Variants in CDK5RAP2 observed in about 807,000 individuals in gnomAD.
CDK5RAP2 encodes CDK5 regulatory subunit-associated protein 2.
In CDK5RAP2, 147 loss-of-function variants were observed where a neutral mutation model predicts 232.9. That is an observed-to-expected ratio of 0.63 (90% CI 0.55 to 0.72). The LOEUF (loss-of-function observed/expected upper bound fraction) is 0.72, where lower values mean the gene tolerates loss of function less well. Among genes scored for constraint, CDK5RAP2 ranks in the 30% least tolerant of loss-of-function variants. CDK5RAP2 has a pLI of 0.00. For missense variants in CDK5RAP2, 2,195 were observed against 2,231.5 expected (o/e 0.98, Z 0.33); for synonymous variants, 833 against 833.7 (o/e 1.00, Z 0.01).
chr9:120,579,809 C>A, intron 1 of CDK5RAP2, 111 bp downstream of exon 1: 1 of 849,680 alleles, frequency 1.2e-6, no homozygotes, highest in Admixed American at 2.0e-5. Context: ...ACCCCACACA[C>A]TGCCCCTGGC....
Position 120,426,854 on chromosome 9 carries a change from C to G in CDK5RAP2, c.3956-4113G>C, listed in dbSNP as rs1588302663. Among the ~76,000 whole-genome samples the G allele has an allele frequency of 3.9e-5, 6 of 152,320 alleles. No homozygotes were observed. The South Asian group carries it at 1.2e-3, about 32-fold the overall frequency. On this transcript the variant is annotated intron_variant, in intron 25 of 37. Coordinates refer to ENST00000349780, the MANE Select transcript of CDK5RAP2 (RefSeq NM_018249.6). The stretch of plus-strand genomic sequence containing the variant: ...GTTAGAATTTGGTTTCTTATTGCTA[C>G]AGAGTCTGTTCAGTCAGCCTAAGGA...
intron 36 of CDK5RAP2, 78 bp downstream of exon 36, chr9:120,394,434 G>A: frequency 6.2e-7 from 1 of 1,609,002 alleles, no homozygotes; most frequent in South Asian, 1.1e-5. Flanking sequence ...GCTCCAAAGT[G>A]GGTAATCCAG....
At chr9:120,516,846 A>G (rs1292437466) in intron 12 of CDK5RAP2, among the ~76,000 whole-genome samples, 1 of 152,226 alleles carries the variant, frequency 6.6e-6, no homozygotes, top group East Asian at 1.9e-4. Flanking sequence ...ATGTATGTAC[A>G]TATATACATA....
chr9:120,453,307 C>T, intron 21 of CDK5RAP2, 149 bp downstream of exon 21: 1 of 683,302 alleles, frequency 1.5e-6, no homozygotes, highest in Non-Finnish European at 2.4e-6. Flanking sequence ...ACATGCAGCT[C>T]TGGGTGGAGG....
chr9:120,516,791 C>T (rs751888754), intron 12 of CDK5RAP2, among the ~76,000 whole-genome samples: 3 of 152,082 alleles, frequency 2.0e-5, no homozygotes, highest in African/African-American at 4.8e-5. Context: ...AGCATGCCAC[C>T]GCACTCCAGT....
In CDK5RAP2 at chr9:120,407,151, G is replaced by A; in HGVS notation, c.4824C>T (p.Ser1608=). The change falls in exon 32 of 38, where the codon AGC becomes AGT. Residue 1608 remains serine, a synonymous_variant. Coordinates refer to ENST00000349780, the MANE Select transcript of CDK5RAP2 (RefSeq NM_018249.6). The part of the protein sequence containing the change: ...IQALRLQLER[S]IETSSTLQSR... ...TCTGCAGAGTGCTGCTGGTTTCGAT[G>A]CTCCTTTCTAGTTGCAAGCGCAGAG... The A allele has an allele frequency of 6.2e-7, 1 of 1,613,994 alleles. No homozygotes were observed. Among genetic ancestry groups the A allele is most frequent in the South Asian group, 1.1e-5 (1 of 91,076 alleles).
At position 120,488,968 on chromosome 9, in the gene CDK5RAP2, T is replaced by A. The variant is rs554756473; in HGVS notation, c.1483-1531A>T. 5.8e-4 allele frequency among the ~76,000 whole-genome samples: 88 copies of A among 152,338 alleles called. 2 individuals are homozygous for A. In the South Asian group the frequency reaches 0.013, roughly 23 times the overall value. On this transcript the variant is annotated intron_variant, in intron 13 of 37. Transcript: ENST00000349780. Reference sequence around the variant, plus strand: ...ACCCATGTCTCTCTCTTTCGGTTATTCTCTCCCATTTGGTGATTCCTTTAT... The same window carrying A: ...ACCCATGTCTCTCTCTTTCGGTTATACTCTCCCATTTGGTGATTCCTTTAT...
intron 20 of CDK5RAP2, among the ~76,000 whole-genome samples, chr9:120,455,121 A>C (rs2036687557): frequency 6.6e-6 from 1 of 152,160 alleles, no homozygotes. Flanking sequence ...GAGGACATGG[A>C]CTGGTTTTAG....
chr9:120,513,088 A>G (rs2040168430), intron 12 of CDK5RAP2, among the ~76,000 whole-genome samples: 1 of 152,186 alleles, frequency 6.6e-6, no homozygotes, highest in Admixed American at 6.5e-5. Context: ...AACATCCTAG[A>G]GTCCTCGTGG....
Position 120,439,883 on chromosome 9 carries a change from T to C in CDK5RAP2, c.3238A>G (p.Thr1080Ala), listed in dbSNP as rs756257107. ...EDVLSPTSVA[T>A]YLSSKSQPSA... ...GGCTGACTCTTGGAACTCAGGTAAGTAGCTACTGAAGTTGGGCTCAGAACA... is the reference window on the plus strand; with the variant it reads ...GGCTGACTCTTGGAACTCAGGTAAGCAGCTACTGAAGTTGGGCTCAGAACA... Residue 1080 changes from threonine to alanine, a missense_variant, in exon 24 of 38, where the codon ACT (threonine) becomes GCT (alanine). By Grantham distance (58) the Thr-to-Ala change is moderately conservative (BLOSUM62 0). Transcript: ENST00000349780. 1 of 1,614,192 alleles carries C rather than the reference T, an allele frequency of 6.2e-7. No homozygotes were observed. Among genetic ancestry groups the C allele is most frequent in the South Asian group, 1.1e-5 (1 of 91,082 alleles).
intron 14 of CDK5RAP2, 97 bp from the exon 15 acceptor site, chr9:120,477,547 A>T: frequency 1.0e-6 from 1 of 982,864 alleles, no homozygotes; most frequent in South Asian, 1.3e-5. Context: ...CAGTTTTTAA[A>T]ATCAAACGAA....
intron 12 of CDK5RAP2, among the ~76,000 whole-genome samples, chr9:120,496,938 G>T (rs1346403875): frequency 7.8e-5 from 11 of 140,854 alleles, no homozygotes; most frequent in South Asian, 4.3e-4. Flanking sequence ...GAACGGGCCA[G>T]GATGACAATG....
At position 120,487,288 on chromosome 9, in the gene CDK5RAP2, G is replaced by C. The variant is rs1422397739; in HGVS notation, c.1626+6C>G. On this transcript the variant is annotated splice_donor_region_variant and intron_variant, in intron 14 of 37. Coordinates refer to ENST00000349780, the MANE Select transcript of CDK5RAP2 (RefSeq NM_018249.6). ...CATGTGAATGTCCAATTTCAGTCAA[G>C]CTTACCTTAGAGAAGATGGTTTTGC... The C allele has an allele frequency of 6.2e-7, 1 of 1,613,838 alleles. No individual in the cohort carries two copies. Among genetic ancestry groups the C allele is most frequent in the Non-Finnish European group, 8.5e-7 (1 of 1,179,964 alleles).
intron 8 of CDK5RAP2, among the ~76,000 whole-genome samples, chr9:120,529,657 CA>C (rs2041060588): frequency 6.6e-6 from 1 of 152,188 alleles, no homozygotes; most frequent in African/African-American, 2.4e-5. Flanking sequence ...GAAAACAATG[CA>C]CCACAACTGT....
intron 13 of CDK5RAP2, among the ~76,000 whole-genome samples, chr9:120,487,690 G>A (rs10984929): frequency 2.4e-4 from 37 of 152,228 alleles, no homozygotes; most frequent in Non-Finnish European, 4.0e-4. Context: ...GCTACAAACC[G>A]TCCTCGCTCA....
chr9:120,547,379 GGATC>G (rs1257814885), intron 4 of CDK5RAP2, among the ~76,000 whole-genome samples: 5 of 152,010 alleles, frequency 3.3e-5, no homozygotes, highest in African/African-American at 1.2e-4. Flanking sequence ...TGAGGTGGGC[GGATC>G]ACTTGAGGTC....
rs752773003 is a variant in CDK5RAP2, at chr9:120,527,885, G to C, written c.920C>G (p.Ala307Gly). 6.2e-7 allele frequency: 1 copy of C among 1,613,578 alleles called. No individual in the cohort carries two copies. Among genetic ancestry groups the C allele is most frequent in the Non-Finnish European group, 8.5e-7 (1 of 1,179,774 alleles). Residue 307 changes from alanine (A) to glycine (G), a missense_variant, in exon 10 of 38, where the codon GCT becomes GGT. By Grantham distance (60) the Ala-to-Gly change is moderately conservative. Transcript: ENST00000349780. ...EDLREKEREI[A>G]TEKKNSLKRD... ...CTTTAGACTATTTTTCTTCTCTGTA[G>C]CAATTTCTCTTTCCTTCTCTCTCAG...
intron 24 of CDK5RAP2, among the ~76,000 whole-genome samples, chr9:120,438,413 T>C (rs1260151807): frequency 2.0e-5 from 3 of 152,190 alleles, no homozygotes; most frequent in South Asian, 4.2e-4. Context: ...GATTACATGA[T>C]ACCAGCATTA....
chr9:120,398,429 A>G lies in CDK5RAP2; in HGVS notation c.5451+2313T>C, dbSNP rs543704009. Among the ~76,000 whole-genome samples the G allele has an allele frequency of 1.5e-4, 23 of 152,352 alleles. 2 individuals carry two copies. Among genetic ancestry groups the G allele is most frequent in the Admixed American group, 9.8e-4 (15 of 15,314 alleles). On this transcript the variant is annotated intron_variant, in intron 35 of 37. Coordinates refer to ENST00000349780, the MANE Select transcript of CDK5RAP2 (RefSeq NM_018249.6). ...TTTAAATTTTTTTCTTGCCCTTAGA[A>G]TACTTCTACTAGAAATGTGTGGTCA... is the stretch of plus-strand genomic sequence containing the variant.
Sources: gnomAD v4.1 joint callset for allele counts (sites outside exome capture counted in the v4.1 genomes callset) on GRCh38, gnomAD v4.1.1 for gene constraint, MANE v1.5 for transcripts, NCBI Gene and HGNC (gene_info 2026-07-23, HGNC 2026-07-21) for gene names.